The following JAM2 variants were observed in gnomAD, a reference collection of about 807,000 sequenced individuals.
The protein encoded by JAM2 is junctional adhesion molecule B.
In JAM2, 17 loss-of-function variants were observed where a neutral mutation model predicts 42.0. The ratio of observed to expected loss-of-function variants is 0.40; its 90% CI spans 0.28 to 0.61. The LOEUF (loss-of-function observed/expected upper bound fraction) is 0.61. Among genes scored for constraint, JAM2 ranks in the 20% least tolerant of loss-of-function variants. The probability of loss-of-function intolerance (pLI) is 0.37; values close to 1 mark genes in which losing one functional copy is unlikely to be tolerated. For missense variants in JAM2, 319 were observed against 358.3 expected (o/e 0.89, Z 0.89); for synonymous variants, 118 against 128.6 (o/e 0.92, Z 0.56).
Position 25,648,348 on chromosome 21 carries a change from A to G in JAM2, c.67+8460A>G, listed in dbSNP as rs577045701. Among the ~76,000 whole-genome samples, 89 of 152,322 alleles carry G rather than the reference A, an allele frequency of 5.8e-4. 1 individual carries two copies. Among genetic ancestry groups the G allele is most frequent in the South Asian group, 1.7e-3 (8 of 4,826 alleles). ...AACATGCAGCCATCTATGTCATAAAACATTAAAATTGTACCTAAGCATATT... is the reference window on the plus strand; with the variant it reads ...AACATGCAGCCATCTATGTCATAAAGCATTAAAATTGTACCTAAGCATATT... On this transcript the variant is annotated intron_variant, in intron 1 of 9. Transcript: ENST00000480456.
chr21:25,701,045 A>T lies in JAM2; in HGVS notation c.598-1125A>T, dbSNP rs181226289. Among the ~76,000 whole-genome samples, 5 of 152,366 alleles carry T rather than the reference A, an allele frequency of 3.3e-5. No individual in the cohort carries two copies. In the East Asian group the frequency reaches 9.6e-4, roughly 29 times the overall value. ...TGTGATGTCAAAGGAATGCACCTGG[A>T]TTGAACTAAGATAGGTTCTTATGTG... is the stretch of plus-strand genomic sequence containing the variant. On this transcript the variant is annotated intron_variant, in intron 5 of 9. Coordinates refer to ENST00000480456, the MANE Select transcript of JAM2 (RefSeq NM_021219.4).
chr21:25,694,875 C>A (rs1340713579), intron 4 of JAM2, among the ~76,000 whole-genome samples: 1 of 151,142 alleles, frequency 6.6e-6, no homozygotes, highest in Non-Finnish European at 1.5e-5. Flanking sequence ...ATAGTAACAG[C>A]TCAAGATGGT....
intron 1 of JAM2, among the ~76,000 whole-genome samples, chr21:25,668,574 A>C (rs1485006845): frequency 1.3e-5 from 2 of 152,230 alleles, no homozygotes; most frequent in Non-Finnish European, 2.9e-5. Flanking sequence ...GGAATAATTG[A>C]GTTGCCATCA....
chr21:25,717,015 T>A lies in JAM2; in HGVS notation c.*2343T>A, dbSNP rs1326325610. 1.3e-5 allele frequency: 2 copies of A among 152,286 alleles called. No individual in the cohort carries two copies. Among genetic ancestry groups the A allele is most frequent in the Non-Finnish European group, 2.9e-5 (2 of 68,058 alleles). The allele number at this position is 152,286 out of a possible 1,614,324, so 9.4% of individuals were successfully genotyped here. A position where few individuals can be genotyped will look rare whatever the true frequency, so the allele number is the denominator to read the frequency against. On this transcript the variant is annotated 3_prime_UTR_variant, in exon 10 of 10. Transcript: ENST00000480456. Reference sequence around the variant, plus strand: ...GTAGTGCCTTAGCTTCACTAATAGTTGTAAAACTTCTTTTTAAGACATCAA... The same window carrying A: ...GTAGTGCCTTAGCTTCACTAATAGTAGTAAAACTTCTTTTTAAGACATCAA...
intron 1 of JAM2, among the ~76,000 whole-genome samples, chr21:25,664,477 G>T (rs534606865): frequency 1.2e-4 from 18 of 152,172 alleles, no homozygotes; most frequent in Non-Finnish European, 1.9e-4. Flanking sequence ...CTTGTGATCT[G>T]CCCACCTCGG....
chr21:25,688,214 A>G (rs1166685685), intron 2 of JAM2, among the ~76,000 whole-genome samples: 1 of 151,646 alleles, frequency 6.6e-6, no homozygotes, highest in Non-Finnish European at 1.5e-5. Flanking sequence ...CGCAATAAGG[A>G]CAGAAATTAG....
intron 1 of JAM2, among the ~76,000 whole-genome samples, chr21:25,655,350 A>ATTTTT (rs751257378): frequency 0.013 from 1,300 of 99,240 alleles, 25 homozygotes; most frequent in African/African-American, 0.017. Flanking sequence ...CTGAAATTCT[A>ATTTTT]TTTTTTTTTT....
chr21:25,688,599 T>C (rs2033808204), intron 2 of JAM2, among the ~76,000 whole-genome samples: 1 of 152,238 alleles, frequency 6.6e-6, no homozygotes, highest in Admixed American at 6.5e-5. Flanking sequence ...CTCTTTGTAA[T>C]GTAAAACCTG....
At chr21:25,694,003 A>C (rs1568911679) in intron 4 of JAM2, 95 bp downstream of exon 4, 2 of 1,192,060 alleles carry the variant, frequency 1.7e-6, no homozygotes, top group Non-Finnish European at 2.4e-6. Context: ...ACATGCCAGC[A>C]TCAACTGGGA....
intron 7 of JAM2, 43 bp from the exon 8 acceptor site, chr21:25,709,391 A>G: frequency 2.8e-6 from 3 of 1,087,580 alleles, no homozygotes; most frequent in Non-Finnish European, 4.1e-6. Context: ...GTATCATACC[A>G]TAATAACCCT....
chr21:25,655,658 T>C (rs1322819692), intron 1 of JAM2, among the ~76,000 whole-genome samples: 1 of 133,686 alleles, frequency 7.5e-6, no homozygotes, highest in Admixed American at 7.1e-5. Context: ...TTTTTTTTTT[T>C]TTTTTTTTTT....
intron 1 of JAM2, among the ~76,000 whole-genome samples, chr21:25,642,419 A>G (rs1199663744): frequency 6.6e-6 from 1 of 152,022 alleles, no homozygotes; most frequent in Non-Finnish European, 1.5e-5. Context: ...GACTTAGTGG[A>G]TTTCTTATGC....
Position 25,695,671 on chromosome 21 carries a change from C to T in JAM2, c.394+1763C>T, listed in dbSNP as rs562487838. On this transcript the variant is annotated intron_variant, in intron 4 of 9. Transcript: ENST00000480456. The stretch of plus-strand genomic sequence containing the variant: ...GATGCTCCTCACTTCCCAGACGGGG[C>T]GGGGCGGCTGCCGGGCGGAGGGGCT... Among the ~76,000 whole-genome samples, 791 of 150,102 alleles carry T rather than the reference C, an allele frequency of 5.3e-3. 2 individuals carry two copies. Among genetic ancestry groups the T allele is most frequent in the African/African-American group, 0.017 (705 of 40,686 alleles).
chr21:25,706,833 A>G (rs1316009290), intron 7 of JAM2, among the ~76,000 whole-genome samples: 1 of 152,080 alleles, frequency 6.6e-6, no homozygotes, highest in Non-Finnish European at 1.5e-5. Flanking sequence ...TCCACCTCCC[A>G]GGTTCACACC....
intron 1 of JAM2, among the ~76,000 whole-genome samples, chr21:25,663,859 G>T (rs2033151549): frequency 6.6e-6 from 1 of 152,152 alleles, no homozygotes; most frequent in Non-Finnish European, 1.5e-5. Flanking sequence ...AAGATAAGGG[G>T]TCTCTCCTAC....
intron 1 of JAM2, among the ~76,000 whole-genome samples, chr21:25,646,536 A>C (rs1407916285): frequency 6.6e-6 from 1 of 151,726 alleles, no homozygotes; most frequent in Non-Finnish European, 1.5e-5. Flanking sequence ...CTAAGTTCCA[A>C]AGTGTGTGAG....
At chr21:25,690,022 C>T (rs977824917) in intron 3 of JAM2, 49 bp downstream of exon 3, 18 of 1,112,574 alleles carry the variant, frequency 1.6e-5, no homozygotes, top group Non-Finnish European at 2.5e-5. Flanking sequence ...ATGCCAAGTA[C>T]AACCAGGATC....
chr21:25,690,305 T>TCTTCCTTC (rs138850947), intron 3 of JAM2, among the ~76,000 whole-genome samples: 14 of 150,648 alleles, frequency 9.3e-5, no homozygotes, highest in Admixed American at 3.3e-4. Context: ...TCTTTCTTTC[T>TCTTCCTTC]CTTCCTTCCT....
chr21:25,711,521 T>C (rs1018860963), intron 8 of JAM2: 2 of 404,774 alleles, frequency 4.9e-6, no homozygotes, highest in African/African-American at 4.2e-5. Context: ...CATCTGCCAT[T>C]GACTTCCTGT....
Sources: allele counts gnomAD v4.1 joint callset (sites outside exome capture counted in the v4.1 genomes callset), GRCh38; gene constraint gnomAD v4.1.1; transcripts MANE v1.5; gene names NCBI Gene and HGNC (gene_info 2026-07-23, HGNC 2026-07-21).